Variants in DOCK3 observed in about 807,000 individuals in gnomAD.
The protein encoded by DOCK3 is dedicator of cytokinesis 3.
A neutral mutation model predicts 265.6 loss-of-function variants in DOCK3; 60 were observed. The observed-to-expected ratio is 0.23, with a 90% CI of 0.18 to 0.28. DOCK3 has a LOEUF of 0.28. Ranked by LOEUF, DOCK3 falls within the 10% of genes least tolerant of loss-of-function variation. DOCK3 has a pLI of 1.00. For missense variants in DOCK3, 1,981 were observed against 2,594.3 expected, an observed-to-expected ratio of 0.76 and a Z score of 5.14; for synonymous variants, 881 against 938.0, an observed-to-expected ratio of 0.94 and a Z score of 1.11.
chr3:51,007,502 T>C (rs2078730984), intron 5 of DOCK3, among the ~76,000 whole-genome samples: 1 of 152,246 alleles, frequency 6.6e-6, no homozygotes, highest in East Asian at 1.9e-4. Flanking sequence ...TTGAGTTCTT[T>C]GTAGATTGTG....
At chr3:50,747,895 A>G (rs968631251) in intron 1 of DOCK3, among the ~76,000 whole-genome samples, 1 of 152,096 alleles carries the variant, frequency 6.6e-6, no homozygotes, top group South Asian at 2.1e-4. Flanking sequence ...TTGTTTTTAA[A>G]AATATTTTGT....
chr3:51,130,876 A>G (rs2084498548), intron 9 of DOCK3, among the ~76,000 whole-genome samples: 1 of 151,940 alleles, frequency 6.6e-6, no homozygotes, highest in South Asian at 2.1e-4. Context: ...CCCAACTAAT[A>G]TTTTGTACTT....
intron 3 of DOCK3, chr3:50,877,370 T>G (rs1236983800): frequency 3.9e-6 from 2 of 508,248 alleles, no homozygotes; most frequent in African/African-American, 3.9e-5. Flanking sequence ...ATCTTCATCA[T>G]AATCCAGTTA....
intron 5 of DOCK3, among the ~76,000 whole-genome samples, chr3:51,018,272 T>C (rs2079437354): frequency 6.6e-6 from 1 of 151,688 alleles, no homozygotes; most frequent in Non-Finnish European, 1.5e-5. Flanking sequence ...ATTACTAACA[T>C]TTCAGTGTAA....
chr3:51,079,845 T>C (rs1250532467), intron 7 of DOCK3, among the ~76,000 whole-genome samples: 3 of 152,206 alleles, frequency 2.0e-5, no homozygotes, highest in Admixed American at 6.5e-5. Flanking sequence ...CACTCAAAAA[T>C]TACATAATAT....
chr3:51,248,981 A>G (rs2078997606), intron 22 of DOCK3, among the ~76,000 whole-genome samples: 1 of 138,696 alleles, frequency 7.2e-6, no homozygotes, highest in Admixed American at 7.3e-5. Context: ...AGAAGTGAGG[A>G]GCCTCTCCGC....
At chr3:50,966,225 G>C (rs1443554071) in intron 5 of DOCK3, among the ~76,000 whole-genome samples, 1 of 152,056 alleles carries the variant, frequency 6.6e-6, no homozygotes, top group Non-Finnish European at 1.5e-5. Flanking sequence ...TGCATCTACT[G>C]ACAGACACTT....
chr3:51,283,900 AGGGG>A (rs2081275488), intron 27 of DOCK3, among the ~76,000 whole-genome samples: 1 of 152,226 alleles, frequency 6.6e-6, no homozygotes, highest in African/African-American at 2.4e-5. Flanking sequence ...AGTGCAGAGA[AGGGG>A]CTTGAAAACA....
At chr3:51,128,059 A>T (rs1002506148) in intron 9 of DOCK3, among the ~76,000 whole-genome samples, 3 of 152,212 alleles carry the variant, frequency 2.0e-5, no homozygotes, top group African/African-American at 7.2e-5. Context: ...GAGGATCCCA[A>T]AGTGTCCAGG....
Position 50,951,384 on chromosome 3 carries a change from A to G in DOCK3, c.315+17307A>G, listed in dbSNP as rs575530410. On this transcript the variant is annotated intron_variant, in intron 5 of 52. Coordinates refer to ENST00000266037, the MANE Select transcript of DOCK3 (RefSeq NM_004947.5). ...TGTATTACTATGTTGATTAATCCTCATTTCTTTTCCACATTTGGCTTCCTG... is the reference window on the plus strand; with the variant it reads ...TGTATTACTATGTTGATTAATCCTCGTTTCTTTTCCACATTTGGCTTCCTG... 2.0e-5 allele frequency among the ~76,000 whole-genome samples: 3 copies of G among 152,336 alleles called. No individual in the cohort carries two copies. The South Asian group carries it at 6.2e-4, about 32-fold the overall frequency.
intron 27 of DOCK3, among the ~76,000 whole-genome samples, chr3:51,295,781 G>C (rs1037746761): frequency 1.3e-5 from 2 of 152,040 alleles, no homozygotes; most frequent in Admixed American, 6.6e-5. Flanking sequence ...TAAGGCGTTG[G>C]GGGGTGGGGG....
intron 12 of DOCK3, among the ~76,000 whole-genome samples, chr3:51,171,855 T>C (rs2107637545): frequency 6.6e-6 from 1 of 152,342 alleles, no homozygotes; most frequent in African/African-American, 2.4e-5. Context: ...TGGTTTACAC[T>C]GTTACTCAAG....
chr3:50,995,092 A>G (rs1218747527), intron 5 of DOCK3, among the ~76,000 whole-genome samples: 1 of 152,110 alleles, frequency 6.6e-6, no homozygotes, highest in Non-Finnish European at 1.5e-5. Flanking sequence ...GGATTCTCAC[A>G]TTTAGTATTA....
intron 5 of DOCK3, among the ~76,000 whole-genome samples, chr3:50,957,976 CTTCTTAAGTTGGT>C (rs1242617860): frequency 2.0e-5 from 3 of 151,902 alleles, no homozygotes. Context: ...TTTTTCTTGG[CTTCTTAAGTTGGT>C]TTCTTTCTGT....
At chr3:51,185,693 T>C (rs2087558699) in intron 12 of DOCK3, among the ~76,000 whole-genome samples, 1 of 152,096 alleles carries the variant, frequency 6.6e-6, no homozygotes, top group Non-Finnish European at 1.5e-5. Context: ...TGGTGGGAGA[T>C]AATTGAATCA....
intron 5 of DOCK3, among the ~76,000 whole-genome samples, chr3:50,938,719 T>G (rs2051532316): frequency 6.6e-6 from 1 of 151,756 alleles, no homozygotes; most frequent in African/African-American, 2.4e-5. Context: ...TAAATGAAAA[T>G]ATATTAAAAT....
intron 33 of DOCK3, 97 bp from the exon 34 acceptor site, chr3:51,332,904 T>A: frequency 6.5e-7 from 1 of 1,530,948 alleles, no homozygotes. Context: ...CTCAGTGGCA[T>A]CCTTAGGAAC....
chr3:51,104,229 A>G (rs1450498333), intron 9 of DOCK3, among the ~76,000 whole-genome samples: 1 of 152,222 alleles, frequency 6.6e-6, no homozygotes, highest in East Asian at 1.9e-4. Flanking sequence ...CAGCAAGGAT[A>G]CCAGTGTCAT....
intron 15 of DOCK3, among the ~76,000 whole-genome samples, chr3:51,226,628 A>G (rs757377215): frequency 6.6e-6 from 1 of 152,248 alleles, no homozygotes; most frequent in Non-Finnish European, 1.5e-5. Flanking sequence ...TGCATGGAGC[A>G]TGCCAGTGGC....
Sources: allele counts gnomAD v4.1 joint callset (sites outside exome capture counted in the v4.1 genomes callset), GRCh38; gene constraint gnomAD v4.1.1; transcripts MANE v1.5; gene names NCBI Gene and HGNC (gene_info 2026-07-23, HGNC 2026-07-21).